Variants in SRP19 observed in about 807,000 individuals in gnomAD.
SRP19 encodes signal recognition particle 19, also known as signal recognition particle 19 kDa protein.
SRP19 carries 11 observed loss-of-function variants against 22.4 expected under a neutral mutation model. The ratio of observed to expected loss-of-function variants is 0.49; its 90% CI spans 0.31 to 0.81. The LOEUF is 0.81. Among genes scored for constraint, SRP19 ranks in the 40% least tolerant of loss-of-function variants. SRP19 has a pLI of 0.05. For synonymous variants in SRP19, 61 were observed against 57.6 expected (o/e 1.06, Z -0.27); for missense variants, 168 against 175.9 (o/e 0.96, Z 0.25).
At position 112,892,432 on chromosome 5, in the gene SRP19, T is replaced by C. The variant is rs772142381; in HGVS notation, c.*825T>C. 1.9e-6 allele frequency: 3 copies of C among 1,614,144 alleles called. No homozygotes were observed. The Admixed American group carries it at 5.0e-5, about 27-fold the overall frequency. On this transcript the variant is annotated 3_prime_UTR_variant, in exon 5 of 5. Transcript: ENST00000391338. Reference sequence around the variant, plus strand: ...GAAAGTGATTCAGTTCAAGGTCAGCTGCAATTTGGAACCTCACCTGAGGGG... The same window carrying C: ...GAAAGTGATTCAGTTCAAGGTCAGCCGCAATTTGGAACCTCACCTGAGGGG...
At chr5:112,877,959 G>A (rs1767946873) in intron 4 of SRP19, 2 of 151,246 alleles carry the variant, frequency 1.3e-5, no homozygotes, top group East Asian at 3.9e-4. Flanking sequence ...GTTTTTCAGG[G>A]AATTGAGAGT....
chr5:112,878,723 A>C (rs545310567), intron 4 of SRP19: 1 of 1,597,638 alleles, frequency 6.3e-7, no homozygotes, highest in African/African-American at 1.3e-5. Context: ...CACAGTCCCT[A>C]ATATAACATC....
intron 4 of SRP19, among the ~76,000 whole-genome samples, chr5:112,886,401 G>A (rs1404744862): frequency 6.6e-6 from 1 of 152,178 alleles, no homozygotes; most frequent in African/African-American, 2.4e-5. Flanking sequence ...GTGTCTTAGA[G>A]TAGACATGGA....
intron 4 of SRP19, among the ~76,000 whole-genome samples, chr5:112,881,557 G>A (rs1768074803): frequency 1.3e-5 from 2 of 152,098 alleles, no homozygotes; most frequent in Admixed American, 6.5e-5. Flanking sequence ...TTCTCAAGTG[G>A]TGGCTGTTTC....
chr5:112,884,779 GC>G (rs35461707), intron 4 of SRP19, among the ~76,000 whole-genome samples: 67,078 of 147,844 alleles, frequency 0.45, 17,112 homozygotes, highest in African/African-American at 0.73. Context: ...CCAGTCCTTG[GC>G]CCCCCCCCAT....
chr5:112,872,349 A>G (rs1208976617), downstream of SRP19, among the ~76,000 whole-genome samples: 1 of 64,906 alleles, frequency 1.5e-5, no homozygotes, highest in African/African-American at 4.0e-5. Context: ...TTTTTTTGAG[A>G]CAGAGTCTTA....
At chr5:112,873,147 A>G (rs2150029833), downstream of SRP19, among the ~76,000 whole-genome samples, 2 of 144,214 alleles carry the variant, frequency 1.4e-5, no homozygotes, top group East Asian at 4.0e-4. Flanking sequence ...CAGTCTGGGA[A>G]TTTGTGTTTT....
exon 5 of SRP19, chr5:112,892,187 C>T: frequency 6.2e-7 from 1 of 1,614,146 alleles, no homozygotes; most frequent in South Asian, 1.1e-5. Context: ...TACAGTAAAA[C>T]AGGAGCTTGC....
intron 4 of SRP19, among the ~76,000 whole-genome samples, chr5:112,875,843 G>A (rs570433310): frequency 2.0e-5 from 3 of 151,780 alleles, no homozygotes; most frequent in East Asian, 3.9e-4. Context: ...TCAGGAGATC[G>A]AGACCATCCT....
intron 2 of SRP19, 148 bp downstream of exon 2, chr5:112,862,731 C>T (rs1767454523): frequency 2.9e-6 from 2 of 695,080 alleles, no homozygotes; most frequent in Admixed American, 2.6e-5. Flanking sequence ...GGGTGCGTTC[C>T]TCAGTGTTGG....
rs1580714638 is a variant in SRP19 at position 112,865,629 on chromosome 5, T to C, written c.301+897T>C. 2.0e-5 allele frequency among the ~76,000 whole-genome samples: 3 copies of C among 149,506 alleles called. No homozygotes were observed. In the South Asian group the frequency reaches 6.4e-4, roughly 32 times the overall value. ...GATTTTTTTTTTTTTTGAGATGGAGTCTCGCTCTGGCTGGAGTACAGTGGC... is the reference window on the plus strand; with the variant it reads ...GATTTTTTTTTTTTTTGAGATGGAGCCTCGCTCTGGCTGGAGTACAGTGGC... On this transcript the variant is annotated intron_variant, in intron 4 of 4. Transcript: ENST00000505459.
intron 4 of SRP19, chr5:112,876,477 C>T (rs1351523208): frequency 1.3e-5 from 2 of 152,180 alleles, no homozygotes; most frequent in Admixed American, 6.5e-5. Flanking sequence ...AGGGTGTGCT[C>T]ATTTTCTTCA....
rs776362524 is a variant in SRP19, at chr5:112,892,261, A to C, written c.*654A>C. 8.1e-6 allele frequency: 13 copies of C among 1,614,024 alleles called. 2 individuals carry two copies. Among genetic ancestry groups the C allele is most frequent in the Middle Eastern group, 3.3e-4 (2 of 6,084 alleles). ...AACATCTAGTCCTACCCTTCTTATTAAGAGCATGTTTACAACGTTTGGAAT... is the reference window on the plus strand; with the variant it reads ...AACATCTAGTCCTACCCTTCTTATTCAGAGCATGTTTACAACGTTTGGAAT... On this transcript the variant is annotated 3_prime_UTR_variant, in exon 5 of 5. Transcript: ENST00000391338.
chr5:112,880,116 A>G (rs1176595037), intron 4 of SRP19, among the ~76,000 whole-genome samples: 2 of 152,170 alleles, frequency 1.3e-5, no homozygotes, highest in Non-Finnish European at 2.9e-5. Flanking sequence ...TACATTCATC[A>G]AGAAAACATT....
At chr5:112,889,554 T>C (rs927223604) in intron 4 of SRP19, among the ~76,000 whole-genome samples, 1 of 150,758 alleles carries the variant, frequency 6.6e-6, no homozygotes, top group African/African-American at 2.5e-5. Context: ...ATGTTTGCAA[T>C]AGAATTATTT....
At chr5:112,875,847 C>G (rs946497312) in intron 4 of SRP19, among the ~76,000 whole-genome samples, 1 of 151,686 alleles carries the variant, frequency 6.6e-6, no homozygotes, top group Non-Finnish European at 1.5e-5. Context: ...GAGATCGAGA[C>G]CATCCTGGCT....
chr5:112,885,444 AGAG>A (rs1768213798), intron 4 of SRP19: 1 of 193,718 alleles, frequency 5.2e-6, no homozygotes, highest in Non-Finnish European at 1.1e-5. Context: ...TGGTTACTGA[AGAG>A]GAGGCGAAAG....
At chr5:112,893,214 A>G (rs1439994629), downstream of SRP19, 6 of 387,960 alleles carry the variant, frequency 1.5e-5, no homozygotes, top group African/African-American at 1.3e-4. Context: ...GTTTGAGGCC[A>G]GCCTGGCCAA....
Position 112,861,313 on chromosome 5 carries a change from G to A in SRP19, c.-64G>A. 1.3e-6 allele frequency: 2 copies of A among 1,596,550 alleles called. No homozygotes were observed. Among genetic ancestry groups the A allele is most frequent in the South Asian group, 2.2e-5 (2 of 90,568 alleles). On this transcript the variant is annotated 5_prime_UTR_variant, in exon 1 of 5. Transcript: ENST00000505459. ...GGCTGTCTCGGAAACTCAGAGCCGG[G>A]TTCCTCCCGGGTTTCTGCCGGGTTT...
Sources: gnomAD v4.1 joint callset for allele counts (sites outside exome capture counted in the v4.1 genomes callset) on GRCh38, gnomAD v4.1.1 for gene constraint, MANE v1.5 for transcripts, NCBI Gene and HGNC (gene_info 2026-07-23, HGNC 2026-07-21) for gene names.